The following H2BC18 variants were observed in gnomAD, a reference collection of about 807,000 sequenced individuals.
The protein encoded by H2BC18 is histone H2B type 2-F.
H2BC18 carries 8 observed loss-of-function variants against 6.3 expected under a neutral mutation model. That is an observed-to-expected ratio of 1.28 (90% CI 0.75 to 2.31). The LOEUF is 2.31. Ranked by LOEUF, H2BC18 falls within the 30% of genes most tolerant of loss-of-function variation. The pLI is 0.00. For missense variants in H2BC18, 106 were observed against 174.5 expected (o/e 0.61, Z 2.21); for synonymous variants, 104 against 78.1 (o/e 1.33, Z -1.75).
chr1:149,790,167 C>A, intron 1 of H2BC18: 1 of 1,613,986 alleles, frequency 6.2e-7, no homozygotes, highest in South Asian at 1.1e-5. Context: ...TGGTTTGCAG[C>A]TTTACTTCTC....
chr1:149,788,263 C>G, intron 1 of H2BC18: 6 of 1,608,556 alleles, frequency 3.7e-6, no homozygotes, highest in Non-Finnish European at 5.1e-6. Flanking sequence ...AGCTCTGAGG[C>G]TGGATGTTGC....
rs74315310 is a variant in H2BC18, at chr1:149,784,224, C to T, written c.378-964G>A. 9,384 of 1,611,110 alleles carry T rather than the reference C, an allele frequency of 5.8e-3. 45 individuals are homozygous for T. Among genetic ancestry groups the T allele is most frequent in the Non-Finnish European group, 7.1e-3 (8,321 of 1,179,822 alleles). ...CAGGTGCCAGAGAGGTCTCTCAGGG[C>T]GAAGTGACCCCATACAGCTGGAAAT... On this transcript the variant is annotated intron_variant, in intron 1 of 1. Transcript: ENST00000545683.
At chr1:149,785,113 A>G (rs2091506330) in intron 1 of H2BC18, among the ~76,000 whole-genome samples, 2 of 152,244 alleles carry the variant, frequency 1.3e-5, no homozygotes. Context: ...AGACTGCAAT[A>G]TTCTTCAGGG....
downstream of H2BC18, among the ~76,000 whole-genome samples, chr1:149,807,989 C>T (rs2101493602): frequency 6.6e-6 from 1 of 152,112 alleles, no homozygotes; most frequent in East Asian, 1.9e-4. Flanking sequence ...ATAGCCAAAG[C>T]TGTTCAATAT....
chr1:149,810,896 C>G (rs1454505523), downstream of H2BC18: 1 of 152,168 alleles, frequency 6.6e-6, no homozygotes, highest in African/African-American at 2.4e-5. Context: ...CAGGAAACCT[C>G]AGGAGAAGCA....
intron 1 of H2BC18, chr1:149,788,202 A>C (rs1328377563): frequency 6.1e-6 from 9 of 1,478,294 alleles, no homozygotes; most frequent in Non-Finnish European, 8.1e-6. Flanking sequence ...TTTTCTTTCC[A>C]CCAAAGCTAA....
chr1:149,805,795 G>A (rs1357579489), intron 1 of H2BC18, among the ~76,000 whole-genome samples: 4 of 151,886 alleles, frequency 2.6e-5, no homozygotes, highest in Admixed American at 1.3e-4. Context: ...ATTCTGAGGA[G>A]GTAGGAGGGG....
chr1:149,788,541 T>G (rs782232847), intron 1 of H2BC18: 1 of 1,613,668 alleles, frequency 6.2e-7, no homozygotes, highest in African/African-American at 1.3e-5. Context: ...CCAACATAAG[T>G]CACAATGGCA....
intron 1 of H2BC18, among the ~76,000 whole-genome samples, chr1:149,799,239 C>T (rs1553753053): frequency 6.8e-6 from 1 of 147,316 alleles, no homozygotes; most frequent in East Asian, 2.0e-4. Flanking sequence ...ATTATTTTCC[C>T]TAGATTTTAA....
chr1:149,810,456 T>A (rs1317813607), downstream of H2BC18: 1 of 152,208 alleles, frequency 6.6e-6, no homozygotes, highest in Admixed American at 6.5e-5. Flanking sequence ...TTCAACATCA[T>A]AAAAATTAGT....
At chr1:149,794,165 G>A in intron 1 of H2BC18, 1 of 359,828 alleles carries the variant, frequency 2.8e-6, no homozygotes, top group Non-Finnish European at 5.5e-6. Context: ...GGACTAACAT[G>A]GTAACAGTGG....
chr1:149,812,333 A>T lies in H2BC18; in HGVS notation c.-10T>A, dbSNP rs370059127. On this transcript the variant is annotated 5_prime_UTR_variant, in exon 1 of 1. Coordinates refer to ENST00000369167, the MANE Select transcript of H2BC18 (RefSeq NM_001024599.5). ...TCGCTGGATCCGGCATTTTTGCGCG[A>T]AAAAAGAGAAAAGAGACTTAAAGAA... 4 of 1,613,890 alleles carry T rather than the reference A, an allele frequency of 2.5e-6. No homozygotes were observed. In the African/African-American group the frequency reaches 5.3e-5, roughly 22 times the overall value.
chr1:149,790,727 T>C (rs2102061904), intron 1 of H2BC18, among the ~76,000 whole-genome samples: 1 of 148,376 alleles, frequency 6.7e-6, no homozygotes, highest in East Asian at 2.0e-4. Context: ...TCACCAACAA[T>C]TTATCAAGTT....
At chr1:149,784,402 A>G (rs1407743992) in intron 1 of H2BC18, 17 of 1,451,058 alleles carry the variant, frequency 1.2e-5, no homozygotes, top group Non-Finnish European at 1.5e-5. Context: ...CTAAATCAGT[A>G]TACTCAAAAC....
Position 149,788,307 on chromosome 1 carries a change from C to A in H2BC18, c.378-5047G>T, listed in dbSNP as rs587773839. 6 of 1,611,128 alleles carry A rather than the reference C, an allele frequency of 3.7e-6. No homozygotes were observed. In the East Asian group the frequency reaches 1.3e-4, roughly 36 times the overall value. On this transcript the variant is annotated intron_variant, in intron 1 of 1. Transcript: ENST00000545683. ...AAAATAGGAAGCCCACAGGGCCAAGCTTGGGCCTCCTTGTACCTCCTCCAC... is the reference window on the plus strand; with the variant it reads ...AAAATAGGAAGCCCACAGGGCCAAGATTGGGCCTCCTTGTACCTCCTCCAC...
intron 1 of H2BC18, among the ~76,000 whole-genome samples, chr1:149,797,701 G>A (rs1254866213): frequency 2.0e-5 from 3 of 152,090 alleles, no homozygotes; most frequent in African/African-American, 7.2e-5. Context: ...CAGGCTCAAC[G>A]ATCCTCCTGC....
At chr1:149,786,716 T>A (rs1284607425) in intron 1 of H2BC18, 1 of 152,242 alleles carries the variant, frequency 6.6e-6, no homozygotes, top group Non-Finnish European at 1.5e-5. Flanking sequence ...TTTTGATATA[T>A]AATACTACCA....
intron 1 of H2BC18, among the ~76,000 whole-genome samples, chr1:149,793,450 G>A (rs1217877892): frequency 4.6e-5 from 7 of 152,176 alleles, no homozygotes; most frequent in African/African-American, 1.7e-4. Flanking sequence ...ACCCACAAGG[G>A]CCCACGGCCC....
At chr1:149,796,601 G>A (rs685198) in intron 1 of H2BC18, among the ~76,000 whole-genome samples, 2 of 152,176 alleles carry the variant, frequency 1.3e-5, no homozygotes, top group African/African-American at 2.4e-5. Flanking sequence ...TGTGACCAAA[G>A]ATTGTAAAAT....
Sources: allele counts gnomAD v4.1 joint callset (sites outside exome capture counted in the v4.1 genomes callset), GRCh38; gene constraint gnomAD v4.1.1; transcripts MANE v1.5; gene names NCBI Gene and HGNC (gene_info 2026-07-23, HGNC 2026-07-21).